The following SERPINI1 variants were observed in gnomAD, a reference collection of about 807,000 sequenced individuals.
The protein encoded by SERPINI1 is serpin family I member 1.
In SERPINI1, 19 loss-of-function variants were observed where a neutral mutation model predicts 41.1. The ratio of observed to expected loss-of-function variants is 0.46; its 90% CI spans 0.32 to 0.68. The LOEUF (loss-of-function observed/expected upper bound fraction) is 0.68, where lower values mean the gene tolerates loss of function less well. Ranked by LOEUF, SERPINI1 falls within the 30% of genes least tolerant of loss-of-function variation. The pLI is 0.03. For synonymous variants in SERPINI1, 138 were observed against 156.6 expected, an observed-to-expected ratio of 0.88 and a Z score of 0.89; for missense variants, 460 against 479.2, an observed-to-expected ratio of 0.96 and a Z score of 0.37.
chr3:167,823,222 T>C, intron 7 of SERPINI1, 150 bp downstream of exon 7: 1 of 701,676 alleles, frequency 1.4e-6, no homozygotes, highest in Non-Finnish European at 2.6e-6. Flanking sequence ...GCCGGAATTT[T>C]CTAAATAGAA....
At chr3:167,802,096 C>A (rs964804101) in intron 5 of SERPINI1, among the ~76,000 whole-genome samples, 10 of 151,964 alleles carry the variant, frequency 6.6e-5, no homozygotes, top group African/African-American at 2.2e-4. Context: ...AAACTGGATC[C>A]CTTCCTTACA....
chr3:167,825,247 G>A lies in SERPINI1; in HGVS notation c.1157G>A (p.Gly386Asp), dbSNP rs772353205. 3 of 1,607,318 alleles carry A rather than the reference G, an allele frequency of 1.9e-6. No homozygotes were observed. The highest frequency in any genetic ancestry group is 2.7e-5 in the African/African-American group (2 of 74,694). Residue 386 changes from glycine (G) to aspartate (D), a missense_variant and splice_region_variant, in exon 9 of 9, where the codon GGT becomes GAT. Transcript: ENST00000446050. ...TTTGTTTACTTCTGAACCAATACAG[G>A]TACAATTCTATTCATGGGACGAGTC... ...FFFLIRNRRT[G>D]TILFMGRVMH...
intron 5 of SERPINI1, among the ~76,000 whole-genome samples, chr3:167,797,702 A>G (rs551085307): frequency 1.3e-5 from 2 of 150,774 alleles, no homozygotes; most frequent in East Asian, 3.9e-4. Flanking sequence ...TTATAAGTCT[A>G]TTCTTAAGGA....
intron 1 of SERPINI1, among the ~76,000 whole-genome samples, chr3:167,781,780 A>C (rs765522317): frequency 6.6e-5 from 10 of 151,954 alleles, no homozygotes; most frequent in Admixed American, 1.3e-4. Flanking sequence ...GTTATAAAAA[A>C]GATGCATTTG....
intron 1 of SERPINI1, among the ~76,000 whole-genome samples, chr3:167,737,164 C>T (rs946219821): frequency 1.3e-5 from 2 of 151,970 alleles, no homozygotes; most frequent in Admixed American, 1.3e-4. Flanking sequence ...ATTCTCTTCC[C>T]AGATTAAAGT....
intron 5 of SERPINI1, among the ~76,000 whole-genome samples, chr3:167,804,547 A>G (rs1711561377): frequency 6.6e-6 from 1 of 152,172 alleles, no homozygotes; most frequent in South Asian, 2.1e-4. Context: ...TTAAAAATGT[A>G]TTTCTTCAGG....
intron 1 of SERPINI1, among the ~76,000 whole-genome samples, chr3:167,746,869 T>C (rs537362384): frequency 3.9e-5 from 6 of 152,290 alleles, no homozygotes; most frequent in East Asian, 3.9e-4. Flanking sequence ...GAAAACAGTT[T>C]AGCCATTCTT....
In SERPINI1 at chr3:167,794,653, G is replaced by T. The variant is rs1282641029; in HGVS notation, c.710G>T (p.Gly237Val). Residue 237 changes from glycine to valine, a missense_variant, in exon 5 of 9, where the codon GGT becomes GTT. By Grantham distance (109) the Gly-to-Val change is moderately radical. Transcript: ENST00000446050. ...AGTGATGGCTCCAATGAAGCTGGTG[G>T]TATCTACCAAGTCCTAGAAATACCA... The part of the protein sequence containing the change: ...EFSDGSNEAG[G>V]IYQVLEIPYE... The T allele has an allele frequency of 5.6e-6, 9 of 1,613,400 alleles. No individual in the cohort carries two copies. The highest frequency in any genetic ancestry group is 2.2e-5 in the East Asian group (1 of 44,882).
intron 6 of SERPINI1, among the ~76,000 whole-genome samples, chr3:167,814,182 CT>C (rs1156463270): frequency 6.6e-6 from 1 of 152,136 alleles, no homozygotes; most frequent in Admixed American, 6.5e-5. Flanking sequence ...TATTGATTCA[CT>C]TTTTTATTGT....
At chr3:167,799,032 T>C (rs1727806312) in intron 5 of SERPINI1, among the ~76,000 whole-genome samples, 1 of 152,148 alleles carries the variant, frequency 6.6e-6, no homozygotes, top group African/African-American at 2.4e-5. Context: ...AAAATGCCTT[T>C]ATATATATTT....
chr3:167,784,877 A>G (rs919163168), intron 1 of SERPINI1, among the ~76,000 whole-genome samples: 4 of 152,170 alleles, frequency 2.6e-5, no homozygotes, highest in African/African-American at 9.7e-5. Context: ...CCTATTGTTT[A>G]ACTTAAAAAA....
At chr3:167,789,806 GA>G (rs1176002236) in intron 2 of SERPINI1, among the ~76,000 whole-genome samples, 1 of 152,060 alleles carries the variant, frequency 6.6e-6, no homozygotes, top group African/African-American at 2.4e-5. Flanking sequence ...TAGCATCCAA[GA>G]TTTTTTTTGA....
intron 4 of SERPINI1, among the ~76,000 whole-genome samples, chr3:167,793,596 A>ATATATATATATATATATATATTTTTT: frequency 2.1e-5 from 3 of 140,606 alleles, no homozygotes; most frequent in African/African-American, 5.5e-5. Flanking sequence ...ATATATATAT[A>ATATATATATATATATATATATTTTTT]TTTTTAATTA....
At position 167,759,355 on chromosome 3, in the gene SERPINI1, T is replaced by C. The variant is rs145364071; in HGVS notation, c.-19+23532T>C. Among the ~76,000 whole-genome samples, 45 of 145,948 alleles carry C rather than the reference T, an allele frequency of 3.1e-4. 1 individual carries two copies. The East Asian group carries it at 8.8e-3, about 28-fold the overall frequency. The stretch of plus-strand genomic sequence containing the variant: ...AGCACTATTCATAATAGCAAAGTCA[T>C]GGAATGAACCTAAGTGTCCATCAAC... On this transcript the variant is annotated intron_variant, in intron 1 of 8. Transcript: ENST00000446050.
chr3:167,754,708 T>C (rs749784027), intron 1 of SERPINI1, among the ~76,000 whole-genome samples: 1 of 152,202 alleles, frequency 6.6e-6, no homozygotes, highest in Non-Finnish European at 1.5e-5. Flanking sequence ...ACAACTGCAT[T>C]ATTTGGTTAT....
intron 6 of SERPINI1, 61 bp from the exon 7 acceptor site, chr3:167,822,925 A>G (rs1712386350): frequency 2.1e-6 from 2 of 931,514 alleles, no homozygotes. Context: ...ATTTAACAAA[A>G]GGGCAAAATA....
rs139940211 is a variant in SERPINI1, at chr3:167,748,929, G to A, written c.-19+13106G>A. ...TTTGTTACCACTAGTTTGGGATACG[G>A]GAGAAACTGATGAAGAGGAGTAAGT... On this transcript the variant is annotated intron_variant, in intron 1 of 8. Transcript: ENST00000446050. Among the ~76,000 whole-genome samples, 1,104 of 152,162 alleles carry A rather than the reference G, an allele frequency of 7.3e-3. 11 individuals are homozygous for A. Among genetic ancestry groups the A allele is most frequent in the African/African-American group, 0.025 (1,035 of 41,496 alleles).
chr3:167,772,102 A>C (rs1303427638), intron 1 of SERPINI1, among the ~76,000 whole-genome samples: 2 of 152,158 alleles, frequency 1.3e-5, no homozygotes, highest in Non-Finnish European at 2.9e-5. Context: ...TAATCTACAA[A>C]TGGGGTTGCT....
chr3:167,745,303 A>G (rs1178910602), intron 1 of SERPINI1, among the ~76,000 whole-genome samples: 1 of 152,060 alleles, frequency 6.6e-6, no homozygotes, highest in Non-Finnish European at 1.5e-5. Flanking sequence ...ATATCAATGA[A>G]ATAAAAGACA....
Sources: allele counts gnomAD v4.1 joint callset (sites outside exome capture counted in the v4.1 genomes callset), GRCh38; gene constraint gnomAD v4.1.1; transcripts MANE v1.5; gene names NCBI Gene and HGNC (gene_info 2026-07-23, HGNC 2026-07-21).